Variants in DACH2 observed in about 807,000 individuals in gnomAD.
DACH2 encodes the protein dachshund family transcription factor 2.
Under a neutral mutation model 35.8 loss-of-function variants are expected in DACH2, and 17 were observed. That is an observed-to-expected ratio of 0.48 (90% confidence interval 0.33 to 0.71). The LOEUF is 0.71. DACH2 is among the 30% of genes least tolerant of loss of function. The pLI, the probability that DACH2 is intolerant of heterozygous loss-of-function variation, is 0.02. For missense variants in DACH2, 469 were observed against 472.7 expected (o/e 0.99, Z 0.07); for synonymous variants, 195 against 177.3 (o/e 1.10, Z -0.79).
chrX:86,628,359 T>C (rs1177811337), intron 3 of DACH2, among the ~76,000 whole-genome samples: 1 of 112,045 alleles, frequency 8.9e-6, no homozygotes, highest in Non-Finnish European at 1.9e-5. Flanking sequence ...ACATTGATTC[T>C]TAAGATAAAG....
intron 3 of DACH2, among the ~76,000 whole-genome samples, chrX:86,617,790 G>A (rs1019909819): frequency 1.8e-5 from 2 of 111,943 alleles, no homozygotes; most frequent in African/African-American, 3.2e-5. Flanking sequence ...AATGTAACCC[G>A]AAGTAGTCTG....
At chrX:86,546,687 T>C (rs1230084746) in intron 3 of DACH2, among the ~76,000 whole-genome samples, 1 of 105,787 alleles carries the variant, frequency 9.5e-6, no homozygotes, top group African/African-American at 3.5e-5. Flanking sequence ...CTAATTTTTT[T>C]GTATTTTTAG....
intron 1 of DACH2, among the ~76,000 whole-genome samples, chrX:86,315,982 G>T (rs1478488166): frequency 9.0e-6 from 1 of 110,792 alleles, no homozygotes; most frequent in Non-Finnish European, 1.9e-5. Context: ...TGAGGAGGGG[G>T]TGTCTTATCT....
chrX:86,414,506 C>A (rs1301833499), intron 2 of DACH2, among the ~76,000 whole-genome samples: 1 of 111,496 alleles, frequency 9.0e-6, no homozygotes, highest in Non-Finnish European at 1.9e-5. Flanking sequence ...ACTGTTAGAT[C>A]TGACATACAG....
In DACH2 at chrX:86,453,233, T is replaced by C. The variant is rs183123395; in HGVS notation, c.528-61046T>C. ...TTGCTCAGGAGTGTTTTACTTTAGATTATGTAATCATATTTAGATTAAGTG... is the reference window on the plus strand; with the variant it reads ...TTGCTCAGGAGTGTTTTACTTTAGACTATGTAATCATATTTAGATTAAGTG... On this transcript the variant is annotated intron_variant, in intron 2 of 11. Coordinates refer to ENST00000373125, the MANE Select transcript of DACH2 (RefSeq NM_053281.3). Among the ~76,000 whole-genome samples, 15 of 112,080 alleles carry C rather than the reference T, an allele frequency of 1.3e-4. No individual in the cohort carries two copies. In the East Asian group the frequency reaches 4.2e-3, roughly 32 times the overall value.
At chrX:86,250,245 G>T (rs2033372817) in intron 1 of DACH2, among the ~76,000 whole-genome samples, 1 of 111,577 alleles carries the variant, frequency 9.0e-6, no homozygotes, top group African/African-American at 3.2e-5. Flanking sequence ...TGAATACTGT[G>T]CCATCTATTC....
chrX:86,472,186 T>C (rs935433630), intron 2 of DACH2, among the ~76,000 whole-genome samples: 4 of 111,883 alleles, frequency 3.6e-5, no homozygotes, highest in Non-Finnish European at 7.5e-5. Flanking sequence ...TAACAGCTCT[T>C]ACTACAACAT....
intron 1 of DACH2, among the ~76,000 whole-genome samples, chrX:86,180,815 C>T (rs1467459450): frequency 9.0e-6 from 1 of 111,683 alleles, no homozygotes; most frequent in Non-Finnish European, 1.9e-5. Flanking sequence ...ATGAGTCTAA[C>T]GTATTGAACT....
At chrX:86,700,054 A>G (rs1303596739) in intron 5 of DACH2, among the ~76,000 whole-genome samples, 1 of 111,912 alleles carries the variant, frequency 8.9e-6, no homozygotes, top group Non-Finnish European at 1.9e-5. Context: ...CGTGCTGTCC[A>G]AGTGTGGCTG....
chrX:86,340,197 T>G (rs2035389691), intron 1 of DACH2, among the ~76,000 whole-genome samples: 1 of 111,750 alleles, frequency 8.9e-6, no homozygotes, highest in African/African-American at 3.3e-5. Context: ...TTGTGTTTTT[T>G]TACAAATTAA....
intron 1 of DACH2, among the ~76,000 whole-genome samples, chrX:86,202,342 G>A (rs1272646955): frequency 1.8e-5 from 2 of 111,484 alleles, no homozygotes; most frequent in Non-Finnish European, 3.8e-5. Context: ...TTGAAACAGA[G>A]ATGGGAAAGT....
chrX:86,382,674 T>C, intron 2 of DACH2, among the ~76,000 whole-genome samples: 1 of 110,916 alleles, frequency 9.0e-6, no homozygotes, highest in East Asian at 2.8e-4. Context: ...AAGACATTCT[T>C]AGAGACCTTT....
At chrX:86,300,437 A>G (rs1204668733) in intron 1 of DACH2, among the ~76,000 whole-genome samples, 3 of 109,338 alleles carry the variant, frequency 2.7e-5, no homozygotes, top group Non-Finnish European at 5.7e-5. Flanking sequence ...AGGACAAAAA[A>G]CCAAACACTG....
At chrX:86,674,422 G>T (rs5922269) in intron 4 of DACH2, among the ~76,000 whole-genome samples, 34,020 of 111,383 alleles carry the variant, frequency 0.31, 4,238 homozygotes, top group Middle Eastern at 0.45. Flanking sequence ...AGCAAAGAAG[G>T]CTGTAAAGCC....
chrX:86,398,891 T>C (rs1055010933), intron 2 of DACH2, among the ~76,000 whole-genome samples: 1 of 111,913 alleles, frequency 8.9e-6, no homozygotes, highest in African/African-American at 3.3e-5. Context: ...TCTGTGGATG[T>C]CTATTAGGTC....
intron 11 of DACH2, 118 bp downstream of exon 11, chrX:86,816,217 T>A (rs2042450643): frequency 2.5e-6 from 1 of 397,054 alleles, no homozygotes; most frequent in Non-Finnish European, 4.0e-6. Context: ...ATAAAATAAA[T>A]AAGTTTTGAC....
chrX:86,307,029 G>T (rs576883136), intron 1 of DACH2, among the ~76,000 whole-genome samples: 1 of 111,678 alleles, frequency 9.0e-6, no homozygotes, highest in East Asian at 2.8e-4. Context: ...CAAAATAAAT[G>T]CATTTGACAC....
At chrX:86,312,567 G>A (rs78604872) in intron 1 of DACH2, among the ~76,000 whole-genome samples, 1 of 109,956 alleles carries the variant, frequency 9.1e-6, no homozygotes, top group Non-Finnish European at 1.9e-5. Context: ...TGAGTCAGTA[G>A]GCTGGGGAAG....
intron 1 of DACH2, among the ~76,000 whole-genome samples, chrX:86,323,234 C>T (rs1294530844): frequency 1.8e-5 from 2 of 112,315 alleles, no homozygotes; most frequent in African/African-American, 3.2e-5. Flanking sequence ...AAGGTTACTT[C>T]GCCTCACAGA....
Sources: allele counts gnomAD v4.1 joint callset (sites outside exome capture counted in the v4.1 genomes callset), GRCh38; gene constraint gnomAD v4.1.1; transcripts MANE v1.5; gene names NCBI Gene and HGNC (gene_info 2026-07-23, HGNC 2026-07-21).